The following P4HB variants were observed in gnomAD, a reference collection of about 807,000 sequenced individuals.
P4HB encodes the protein prolyl 4-hydroxylase subunit beta.
P4HB carries 20 observed loss-of-function variants against 52.6 expected under a neutral mutation model. The ratio of observed to expected loss-of-function variants is 0.38; its 90% CI spans 0.27 to 0.55. P4HB has a LOEUF of 0.55. P4HB is among the 20% of genes least tolerant of loss of function. The pLI is 0.74. For missense variants in P4HB, 601 were observed against 669.2 expected (o/e 0.90, Z 1.12); for synonymous variants, 296 against 277.9 (o/e 1.07, Z -0.65).
At chr17:81,852,046 G>C (rs555443296) in intron 4 of P4HB, among the ~76,000 whole-genome samples, 1 of 152,158 alleles carries the variant, frequency 6.6e-6, no homozygotes, top group Non-Finnish European at 1.5e-5. Flanking sequence ...AGCCAGGTGC[G>C]GTGGTGCACA....
chr17:81,844,900 G>T (rs1299561457), intron 10 of P4HB, among the ~76,000 whole-genome samples: 1 of 152,294 alleles, frequency 6.6e-6, no homozygotes, highest in Non-Finnish European at 1.5e-5. Flanking sequence ...GCAAAATCTG[G>T]TTTTTAAAGA....
In P4HB at chr17:81,846,652, A is replaced by G; in HGVS notation, c.856-23T>C. ...GATCTGGGGGAGAAAAGGAGGTTGCACAGGTGCGGGAGACGGCTGGCCTCT... is the reference window on the plus strand; with the variant it reads ...GATCTGGGGGAGAAAAGGAGGTTGCGCAGGTGCGGGAGACGGCTGGCCTCT... On this transcript the variant is annotated intron_variant, in intron 6 of 10. Transcript: ENST00000331483. The surrounding 1 kb of genome is among the most constrained non-coding windows in gnomAD (Gnocchi z 5.7). 2 of 1,608,832 alleles carry G rather than the reference A, an allele frequency of 1.2e-6. No homozygotes were observed. Among genetic ancestry groups the G allele is most frequent in the South Asian group, 2.2e-5 (2 of 90,990 alleles).
At position 81,845,630 on chromosome 17, in the gene P4HB, G is replaced by A. The variant is rs747430648; in HGVS notation, c.1290C>T (p.Asn430=). 23 of 1,613,374 alleles carry A rather than the reference G, an allele frequency of 1.4e-5. No individual in the cohort carries two copies. The highest frequency in any genetic ancestry group is 2.2e-5 in the South Asian group (2 of 91,066). Residue 430 remains asparagine, a synonymous_variant, in exon 9 of 11, where the codon AAC becomes AAT. Coordinates refer to ENST00000331483, the MANE Select transcript of P4HB (RefSeq NM_000918.4). ...TGTGCACTTTGACGGCCTCCACCTC[G>A]TTGGCAGTCGAGTCCATCTTGGCGA... ...IVIAKMDSTA[N]EVEAVKVHSF... is the part of the protein sequence containing the mutation.
At chr17:81,854,546 A>G (rs2038883305) in intron 4 of P4HB, among the ~76,000 whole-genome samples, 1 of 138,122 alleles carries the variant, frequency 7.2e-6, no homozygotes, top group Admixed American at 7.3e-5. Context: ...CCTATCTCAA[A>G]AAAAAAAAAG....
rs896543575 is a variant in P4HB at position 81,843,657 on chromosome 17, C to T, written c.*355G>A. 1.5e-5 allele frequency: 7 copies of T among 455,604 alleles called. No individual in the cohort carries two copies. The highest frequency in any genetic ancestry group is 6.0e-5 in the African/African-American group (3 of 49,986). 28.2% of individuals were successfully genotyped at this position (455,604 alleles called of 1,614,324 possible). A position where few individuals can be genotyped will look rare whatever the true frequency, so the allele number is the denominator to read the frequency against. On this transcript the variant is annotated 3_prime_UTR_variant, in exon 11 of 11. Coordinates refer to ENST00000331483, the MANE Select transcript of P4HB (RefSeq NM_000918.4). ...GAAAAATGTCTAAAAATCCCACAGACGGAATTTTCAAAAAGAGGAGAAACC... is the reference window on the plus strand; with the variant it reads ...GAAAAATGTCTAAAAATCCCACAGATGGAATTTTCAAAAAGAGGAGAAACC...
chr17:81,848,736 CAAAAAA>C (rs770133887), intron 4 of P4HB, among the ~76,000 whole-genome samples: 1 of 24,450 alleles, frequency 4.1e-5, no homozygotes, highest in Non-Finnish European at 7.9e-5. Flanking sequence ...AACTCTGTCT[CAAAAAA>C]AAAAAAAAAA....
In P4HB at chr17:81,843,504, C is replaced by T. The variant is rs757287145; in HGVS notation, c.*508G>A. Reference sequence around the variant, plus strand: ...TCCATTTACCCAAAAATGCAAGAGCCATGATCAGTCATGGCGACACTGCAG... The same window carrying T: ...TCCATTTACCCAAAAATGCAAGAGCTATGATCAGTCATGGCGACACTGCAG... On this transcript the variant is annotated 3_prime_UTR_variant, in exon 11 of 11. Coordinates refer to ENST00000331483, the MANE Select transcript of P4HB (RefSeq NM_000918.4). 7.5e-6 allele frequency: 3 copies of T among 400,988 alleles called. No homozygotes were observed. Among genetic ancestry groups the T allele is most frequent in the Non-Finnish European group, 1.3e-5 (3 of 227,628 alleles). 24.8% of individuals were successfully genotyped at this position (400,988 alleles called of 1,614,324 possible).
rs1427170709 is a variant in P4HB, at chr17:81,846,700, G to A, written c.856-71C>T. On this transcript the variant is annotated intron_variant, in intron 6 of 10. Transcript: ENST00000331483. This position sits in a 1 kb window ranked among gnomAD's most constrained non-coding sequence, Gnocchi z 5.7. ...TCTGCCTCCAGCCCTGACTTTGCTC[G>A]GAAGCAGACCGTGCTCCGGTGCCTT... 1.4e-5 allele frequency: 21 copies of A among 1,482,182 alleles called. No homozygotes were observed. Among genetic ancestry groups the A allele is most frequent in the Admixed American group, 5.3e-5 (3 of 56,450 alleles). The allele number at this position is 1,482,182 out of a possible 1,614,324, so 91.8% of individuals were successfully genotyped here. A position where few individuals can be genotyped will look rare whatever the true frequency, so the allele number is the denominator to read the frequency against.
chr17:81,857,395 C>A (rs766920904), intron 2 of P4HB, among the ~76,000 whole-genome samples: 4 of 152,162 alleles, frequency 2.6e-5, no homozygotes, highest in African/African-American at 9.7e-5. Context: ...GTGATCCACC[C>A]GTCTCAGCCT....
In P4HB at chr17:81,856,927, C is replaced by T. The variant is rs529460590; in HGVS notation, c.353-1341G>A. Among the ~76,000 whole-genome samples, 23 of 152,010 alleles carry T rather than the reference C, an allele frequency of 1.5e-4. No individual in the cohort carries two copies. The East Asian group carries it at 2.9e-3, about 19-fold the overall frequency. ...CCTCCCAAAGTGCTGGGATTACATG[C>T]GTGAGCCACCATGCCCGGCCAATTT... is the stretch of plus-strand genomic sequence containing the variant. On this transcript the variant is annotated intron_variant, in intron 2 of 10. Transcript: ENST00000331483.
intron 1 of P4HB, chr17:81,859,766 C>A: frequency 3.2e-6 from 1 of 309,310 alleles, no homozygotes; most frequent in Non-Finnish European, 6.2e-6. Flanking sequence ...GCGGCCTGTA[C>A]CAGCACTAGC....
At chr17:81,845,357 C>A (rs1445708597) in intron 9 of P4HB, 127 bp from the exon 10 acceptor site, 2 of 901,222 alleles carry the variant, frequency 2.2e-6, no homozygotes, top group Non-Finnish European at 3.5e-6. Context: ...GAATCCAGCA[C>A]ATTGGGAGTT....
rs758807750 is a variant in P4HB at position 81,859,359 on chromosome 17, A to G, written c.174T>C (p.Ala58=). Reference sequence around the variant, plus strand: ...CGGCTTTGGCATACTCAGGGGCCAGAGCCTTGCAGTGGCCACACCAAGGGG... The same window carrying G: ...CGGCTTTGGCATACTCAGGGGCCAGGGCCTTGCAGTGGCCACACCAAGGGG... ...FYAPWCGHCK[A]LAPEYAKAAG... The change falls in exon 2 of 11, where the codon GCT becomes GCC. Residue 58 remains alanine (A), a synonymous_variant. Coordinates refer to ENST00000331483, the MANE Select transcript of P4HB (RefSeq NM_000918.4). The G allele has an allele frequency of 3.1e-6, 5 of 1,613,608 alleles. No homozygotes were observed. The Admixed American group carries it at 8.3e-5, about 27-fold the overall frequency.
Position 81,847,064 on chromosome 17 carries a change from C to T in P4HB, c.738G>A (p.Pro246=), listed in dbSNP as rs755119928. ...LVIEFTEQTA[P]KIFGGEIKTH... Reference sequence around the variant, plus strand: ...TCTTGATTTCACCTCCAAAAATCTTCGGGGCTGTCTGTGTTATAAACTTAA... The same window carrying T: ...TCTTGATTTCACCTCCAAAAATCTTTGGGGCTGTCTGTGTTATAAACTTAA... The change falls in exon 6 of 11, where the codon CCG becomes CCA. Residue 246 remains proline, a synonymous_variant. Transcript: ENST00000331483. 9 of 1,614,018 alleles carry T rather than the reference C, an allele frequency of 5.6e-6. No individual in the cohort carries two copies. The highest frequency in any genetic ancestry group is 3.3e-5 in the Admixed American group (2 of 60,014).
Position 81,855,366 on chromosome 17 carries a change from A to G in P4HB, c.486+87T>C. 6.3e-7 allele frequency: 1 copy of G among 1,597,618 alleles called. No homozygotes were observed. The highest frequency in any genetic ancestry group is 8.6e-7 in the Non-Finnish European group (1 of 1,168,326). On this transcript the variant is annotated intron_variant, in intron 3 of 10. Transcript: ENST00000331483. This position sits in a 1 kb window ranked among gnomAD's most constrained non-coding sequence, Gnocchi z 4.3. ...CCCTGTAGAGCCCAGGCCAGGGGGG[A>G]CACGTGCAGAACTGCCAGCTGCAGG...
intron 2 of P4HB, among the ~76,000 whole-genome samples, chr17:81,857,598 G>A (rs1399295527): frequency 4.6e-5 from 7 of 152,142 alleles, no homozygotes; most frequent in Non-Finnish European, 7.4e-5. Flanking sequence ...ACAGGCTGAC[G>A]CCCCGCCCAC....
At position 81,843,413 on chromosome 17, in the gene P4HB, C is replaced by T; in HGVS notation, c.*599G>A. The T allele has an allele frequency of 5.0e-6, 2 of 399,962 alleles. No homozygotes were observed. The highest frequency in any genetic ancestry group is 8.8e-6 in the Non-Finnish European group (2 of 227,342). The allele number at this position is 399,962 out of a possible 1,614,324, so 24.8% of individuals were successfully genotyped here. A position where few individuals can be genotyped will look rare whatever the true frequency, so the allele number is the denominator to read the frequency against. On this transcript the variant is annotated 3_prime_UTR_variant, in exon 11 of 11. Transcript: ENST00000331483. ...GGGAAGGCCCAGGCCTGTGCCGGGC[C>T]CCAGGGCTGGCAGCCACCAGCTCCT...
At chr17:81,849,737 C>T (rs1358904887) in intron 4 of P4HB, among the ~76,000 whole-genome samples, 3 of 152,186 alleles carry the variant, frequency 2.0e-5, no homozygotes, top group Non-Finnish European at 2.9e-5. Context: ...CTCAGAGAGG[C>T]GCCCCTGTGC....
chr17:81,844,333 C>T (rs1255760885), intron 10 of P4HB, among the ~76,000 whole-genome samples: 1 of 152,174 alleles, frequency 6.6e-6, no homozygotes, highest in African/African-American at 2.4e-5. Context: ...TGTCAGGAAC[C>T]CTGGGAATCC....
Sources: gnomAD v4.1 joint callset for allele counts (sites outside exome capture counted in the v4.1 genomes callset) on GRCh38, gnomAD v4.1.1 for gene constraint, Gnocchi (gnomAD v3.1) non-coding constraint, MANE v1.5 for transcripts, NCBI Gene and HGNC (gene_info 2026-07-23, HGNC 2026-07-21) for gene names.